The following CNTN5 variants were observed in gnomAD, a reference collection of about 807,000 sequenced individuals.
CNTN5 encodes the protein contactin-5.
A neutral mutation model predicts 129.1 loss-of-function variants in CNTN5; 77 were observed. That is an observed-to-expected ratio of 0.60 (90% confidence interval 0.50 to 0.72). The LOEUF (loss-of-function observed/expected upper bound fraction) is 0.72, where lower values mean the gene tolerates loss of function less well. CNTN5 is among the 30% of genes least tolerant of loss of function. The pLI is 0.00. For synonymous variants in CNTN5, 509 were observed against 465.6 expected, an observed-to-expected ratio of 1.09 and a Z score of -1.20; for missense variants, 1,478 against 1,328.8, an observed-to-expected ratio of 1.11 and a Z score of -1.75.
At chr11:100,205,422 G>A (rs1403150509) in intron 15 of CNTN5, among the ~76,000 whole-genome samples, 2 of 151,986 alleles carry the variant, frequency 1.3e-5, no homozygotes, top group East Asian at 1.9e-4. Context: ...CTCAGAAAAG[G>A]AGGAAGAGGA....
intron 2 of CNTN5, among the ~76,000 whole-genome samples, chr11:99,508,509 G>A (rs1591184136): frequency 6.6e-6 from 1 of 152,060 alleles, no homozygotes; most frequent in East Asian, 1.9e-4. Context: ...TCATACAAGC[G>A]ACTTGAGCAT....
intron 3 of CNTN5, among the ~76,000 whole-genome samples, chr11:99,619,195 CA>C (rs1215056932): frequency 1.3e-5 from 2 of 151,550 alleles, no homozygotes; most frequent in African/African-American, 4.8e-5. Flanking sequence ...ACAAAAAAAT[CA>C]AAAAACTATA....
intron 2 of CNTN5, among the ~76,000 whole-genome samples, chr11:99,328,724 G>A (rs1303670555): frequency 6.6e-6 from 1 of 151,676 alleles, no homozygotes; most frequent in African/African-American, 2.4e-5. Context: ...TACAAAATTA[G>A]CCAAGCATGA....
chr11:99,433,381 G>A (rs1170837960), intron 2 of CNTN5, among the ~76,000 whole-genome samples: 17 of 50,006 alleles, frequency 3.4e-4, no homozygotes, highest in East Asian at 8.3e-4. Flanking sequence ...ATGTGTGTGT[G>A]TGTGTGTGTG....
intron 18 of CNTN5, among the ~76,000 whole-genome samples, chr11:100,275,116 G>T (rs2138796664): frequency 6.6e-6 from 1 of 151,628 alleles, no homozygotes; most frequent in South Asian, 2.1e-4. Context: ...AGGTAAAATG[G>T]CTTAAATATG....
chr11:100,038,329 G>C (rs1453315726), intron 9 of CNTN5, among the ~76,000 whole-genome samples: 1 of 152,196 alleles, frequency 6.6e-6, no homozygotes, highest in South Asian at 2.1e-4. Context: ...TATGGTCTGA[G>C]AGACAGTTTG....
At chr11:99,085,128 T>C (rs778939853) in intron 1 of CNTN5, among the ~76,000 whole-genome samples, 52 of 151,916 alleles carry the variant, frequency 3.4e-4, no homozygotes, top group Admixed American at 1.6e-3. Flanking sequence ...CACTGCAACC[T>C]CTGCCTCCTG....
At chr11:99,841,936 G>A (rs1443406359) in intron 4 of CNTN5, among the ~76,000 whole-genome samples, 1 of 150,862 alleles carries the variant, frequency 6.6e-6, no homozygotes, top group African/African-American at 2.4e-5. Flanking sequence ...GCCCAGACAG[G>A]AGTGCAGTGG....
intron 15 of CNTN5, among the ~76,000 whole-genome samples, chr11:100,205,743 A>G (rs1948899858): frequency 1.3e-5 from 2 of 152,060 alleles, no homozygotes; most frequent in South Asian, 4.1e-4. Context: ...ATTAGATATT[A>G]TAACTAATCT....
chr11:99,468,639 A>C (rs1424424874), intron 2 of CNTN5, among the ~76,000 whole-genome samples: 1 of 117,316 alleles, frequency 8.5e-6, no homozygotes, highest in Non-Finnish European at 1.8e-5. Context: ...TTAACATATA[A>C]GTGTGAGTTT....
chr11:100,028,252 A>G (rs1941528217), intron 9 of CNTN5, among the ~76,000 whole-genome samples: 1 of 152,198 alleles, frequency 6.6e-6, no homozygotes, highest in African/African-American at 2.4e-5. Context: ...TCTGTAGTTG[A>G]ATAGGTTACA....
chr11:99,120,409 CTCCAAACA>C (rs1858255016), intron 1 of CNTN5: 1 of 152,212 alleles, frequency 6.6e-6, no homozygotes, highest in Non-Finnish European at 1.5e-5. Flanking sequence ...CTGCTACAAC[CTCCAAACA>C]TGCTATTAGT....
intron 7 of CNTN5, among the ~76,000 whole-genome samples, chr11:99,952,955 A>G (rs1434628530): frequency 6.6e-6 from 1 of 152,194 alleles, no homozygotes; most frequent in African/African-American, 2.4e-5. Flanking sequence ...GTCATTCAAC[A>G]ACTCAGATGC....
At chr11:99,556,554 AATATATATATATATATATATAT>A (rs199758207) in intron 3 of CNTN5, among the ~76,000 whole-genome samples, 13 of 72,332 alleles carry the variant, frequency 1.8e-4, no homozygotes, top group South Asian at 4.6e-4. Flanking sequence ...AAGGCTTGGA[AATATATATATATATATATATAT>A]ATATATATAT....
At chr11:99,382,886 T>C (rs1940681302) in intron 2 of CNTN5, among the ~76,000 whole-genome samples, 1 of 119,450 alleles carries the variant, frequency 8.4e-6, no homozygotes, top group African/African-American at 3.4e-5. Context: ...AGACAGAGTC[T>C]CGCTCTGTCT....
At chr11:99,485,137 G>A (rs1441809142) in intron 2 of CNTN5, among the ~76,000 whole-genome samples, 2 of 151,906 alleles carry the variant, frequency 1.3e-5, no homozygotes, top group Non-Finnish European at 2.9e-5. Flanking sequence ...CTGATCACTA[G>A]ACATTACATT....
chr11:100,329,764 T>C (rs1333106321), intron 21 of CNTN5, among the ~76,000 whole-genome samples: 1 of 152,126 alleles, frequency 6.6e-6, no homozygotes, highest in Non-Finnish European at 1.5e-5. Context: ...CCCTTATTGC[T>C]AGGGAAAGGG....
intron 7 of CNTN5, among the ~76,000 whole-genome samples, chr11:99,950,653 T>A (rs1309616451): frequency 6.6e-6 from 1 of 152,202 alleles, no homozygotes; most frequent in Non-Finnish European, 1.5e-5. Flanking sequence ...AAGATGAATT[T>A]ATATTCTACA....
chr11:99,841,781 T>TATA (rs1947501294), intron 4 of CNTN5, among the ~76,000 whole-genome samples: 2 of 96,970 alleles, frequency 2.1e-5, no homozygotes, highest in African/African-American at 3.5e-5. Flanking sequence ...GGTTTGACAT[T>TATA]TATATATATA....
Sources: gnomAD v4.1 joint callset for allele counts (sites outside exome capture counted in the v4.1 genomes callset) on GRCh38, gnomAD v4.1.1 for gene constraint, MANE v1.5 for transcripts, NCBI Gene and HGNC (gene_info 2026-07-23, HGNC 2026-07-21) for gene names.